CNTN4: variants seen among roughly 807,000 people sequenced by gnomAD.
CNTN4 encodes contactin-4.
A neutral mutation model predicts 122.5 loss-of-function variants in CNTN4; 77 were observed. That is an observed-to-expected ratio of 0.63 (90% CI 0.52 to 0.76). The LOEUF is 0.76. Ranked by LOEUF, CNTN4 falls within the 30% of genes least tolerant of loss-of-function variation. The pLI, the probability that CNTN4 is intolerant of heterozygous loss-of-function variation, is 0.00. For synonymous variants in CNTN4, 512 were observed against 447.0 expected, an observed-to-expected ratio of 1.15 and a Z score of -1.83; for missense variants, 1,256 against 1,259.1, an observed-to-expected ratio of 1.00 and a Z score of 0.04.
chr3:2,124,688 C>T (rs967361207), intron 2 of CNTN4, among the ~76,000 whole-genome samples: 3 of 151,984 alleles, frequency 2.0e-5, no homozygotes, highest in African/African-American at 7.3e-5. Flanking sequence ...GCAGGAGGTT[C>T]CCTTGTGCCA....
chr3:2,211,617 A>G (rs907135120), intron 2 of CNTN4, among the ~76,000 whole-genome samples: 4 of 152,156 alleles, frequency 2.6e-5, no homozygotes, highest in African/African-American at 9.7e-5. Flanking sequence ...TGTACCAACT[A>G]CTAATGAGGA....
At chr3:2,252,578 C>A (rs2040420484) in intron 2 of CNTN4, among the ~76,000 whole-genome samples, 1 of 152,038 alleles carries the variant, frequency 6.6e-6, no homozygotes, top group South Asian at 2.1e-4. Context: ...ATTTCATAGA[C>A]CATCTCTTTG....
chr3:2,270,463 T>C (rs1389494989), intron 2 of CNTN4, among the ~76,000 whole-genome samples: 1 of 151,824 alleles, frequency 6.6e-6, no homozygotes, highest in African/African-American at 2.4e-5. Context: ...AGGGTATATA[T>C]ATATATGGGA....
intron 4 of CNTN4, among the ~76,000 whole-genome samples, chr3:2,639,355 G>A (rs1264027167): frequency 6.6e-6 from 1 of 152,072 alleles, no homozygotes; most frequent in Non-Finnish European, 1.5e-5. Flanking sequence ...ATCAGGCTAT[G>A]GTCTACTACT....
chr3:2,351,510 G>A (rs1335683217), intron 3 of CNTN4, among the ~76,000 whole-genome samples: 1 of 152,144 alleles, frequency 6.6e-6, no homozygotes, highest in African/African-American at 2.4e-5. Flanking sequence ...AGAGAACAGA[G>A]TTCTCATGCT....
At chr3:2,274,775 A>G (rs1321096259) in intron 2 of CNTN4, among the ~76,000 whole-genome samples, 2 of 152,196 alleles carry the variant, frequency 1.3e-5, no homozygotes, top group Admixed American at 6.5e-5. Context: ...ACTGAAGTTT[A>G]CTGTCAAGCT....
chr3:2,774,086 C>A (rs901834856), intron 6 of CNTN4, among the ~76,000 whole-genome samples: 1 of 151,898 alleles, frequency 6.6e-6, no homozygotes, highest in African/African-American at 2.4e-5. Context: ...TTGACCAAGA[C>A]AAATATTAGT....
chr3:2,116,876 G>C (rs1392550218), intron 2 of CNTN4, among the ~76,000 whole-genome samples: 4 of 152,086 alleles, frequency 2.6e-5, no homozygotes, highest in Non-Finnish European at 4.4e-5. Flanking sequence ...GTTGGGGGTG[G>C]GTTCTGTGTG....
chr3:2,809,468 GA>G lies in CNTN4; in HGVS notation c.359-10017del, dbSNP rs573058793. Among the ~76,000 whole-genome samples the G allele has an allele frequency of 4.0e-3, 609 of 152,286 alleles. 1 individual carries two copies. The highest frequency in any genetic ancestry group is 0.014 in the African/African-American group (563 of 41,550). ...GGAAGTGGCAGGGAGCAAAGCTGGG[GA>G]CGTAGGCAGGGGCTGGATCCTGAAG... On this transcript the variant is annotated intron_variant, in intron 6 of 24. Coordinates refer to ENST00000418658, the MANE Select transcript of CNTN4 (RefSeq NM_175607.3).
At chr3:2,927,753 G>A (rs3852038) in intron 13 of CNTN4, 20,855 of 152,434 alleles carry the variant, frequency 0.14, 1,616 homozygotes, top group Non-Finnish European at 0.17. Flanking sequence ...GACTAATAAG[G>A]TCCAAATATG....
chr3:2,411,787 C>A (rs772084444), intron 3 of CNTN4, among the ~76,000 whole-genome samples: 8 of 152,164 alleles, frequency 5.3e-5, no homozygotes, highest in Non-Finnish European at 1.0e-4. Context: ...TGCTTTTATT[C>A]TGTCGTTGCT....
chr3:2,969,923 T>C (rs1007860304), intron 13 of CNTN4, among the ~76,000 whole-genome samples: 2 of 152,118 alleles, frequency 1.3e-5, no homozygotes, highest in African/African-American at 4.8e-5. Context: ...TTCCCCTGTG[T>C]AGGCATTGAG....
At chr3:2,981,889 A>G (rs1694055616) in intron 13 of CNTN4, among the ~76,000 whole-genome samples, 1 of 152,070 alleles carries the variant, frequency 6.6e-6, no homozygotes, top group Non-Finnish European at 1.5e-5. Context: ...TACTAAAAAT[A>G]CAAAATATTA....
chr3:2,309,803 G>A (rs889406630), intron 2 of CNTN4, among the ~76,000 whole-genome samples: 1 of 152,062 alleles, frequency 6.6e-6, no homozygotes, highest in African/African-American at 2.4e-5. Flanking sequence ...TGAGCACATG[G>A]AATCAAAGAG....
intron 7 of CNTN4, among the ~76,000 whole-genome samples, chr3:2,839,611 G>A (rs1169883239): frequency 6.6e-6 from 1 of 152,160 alleles, no homozygotes; most frequent in African/African-American, 2.4e-5. Context: ...GGACTGCACT[G>A]CAGTTGAATT....
chr3:2,561,717 G>A (rs1328453437), intron 3 of CNTN4, among the ~76,000 whole-genome samples: 6 of 152,156 alleles, frequency 3.9e-5, no homozygotes, highest in Non-Finnish European at 5.9e-5. Context: ...GAGGTTAAAT[G>A]ACTTGCCCAA....
chr3:2,976,933 A>T (rs191006988), intron 13 of CNTN4, among the ~76,000 whole-genome samples: 131 of 152,068 alleles, frequency 8.6e-4, no homozygotes, highest in African/African-American at 3.1e-3. Flanking sequence ...TCTATAGCAT[A>T]CAGCCTACCC....
chr3:2,399,510 A>C (rs537295346), intron 3 of CNTN4, among the ~76,000 whole-genome samples: 1 of 152,138 alleles, frequency 6.6e-6, no homozygotes, highest in Non-Finnish European at 1.5e-5. Context: ...ATGCTAACTT[A>C]CTAGCTGTTA....
At chr3:2,959,911 A>T (rs1577406371) in intron 13 of CNTN4, among the ~76,000 whole-genome samples, 1 of 152,212 alleles carries the variant, frequency 6.6e-6, no homozygotes, top group East Asian at 1.9e-4. Context: ...AAACATTTCA[A>T]GTCAGCATTT....
Sources: gnomAD v4.1 joint callset for allele counts (sites outside exome capture counted in the v4.1 genomes callset) on GRCh38, gnomAD v4.1.1 for gene constraint, MANE v1.5 for transcripts, NCBI Gene and HGNC (gene_info 2026-07-23, HGNC 2026-07-21) for gene names.